HS6ST2: variants seen among roughly 807,000 people sequenced by gnomAD.
HS6ST2 encodes the protein heparan sulfate 6-O-sulfotransferase 2, also known as heparan-sulfate 6-O-sulfotransferase 2.
In HS6ST2, 17 loss-of-function variants were observed where a neutral mutation model predicts 33.0. The observed-to-expected ratio is 0.52, with a 90% CI of 0.35 to 0.77. The LOEUF (loss-of-function observed/expected upper bound fraction) is 0.77, where lower values mean the gene tolerates loss of function less well. HS6ST2 is among the 30% of genes least tolerant of loss of function. The pLI is 0.01. For synonymous variants in HS6ST2, 248 were observed against 237.1 expected, an observed-to-expected ratio of 1.05 and a Z score of -0.42; for missense variants, 519 against 551.7, an observed-to-expected ratio of 0.94 and a Z score of 0.59.
upstream of HS6ST2, among the ~76,000 whole-genome samples, chrX:132,959,958 A>G (rs1327534235): frequency 8.9e-6 from 1 of 112,103 alleles, no homozygotes; most frequent in Non-Finnish European, 1.9e-5. Flanking sequence ...AGCCCTGGCT[A>G]GACTTCTACG....
upstream of HS6ST2, among the ~76,000 whole-genome samples, chrX:132,959,936 C>G (rs1483995501): frequency 8.9e-6 from 1 of 112,119 alleles, no homozygotes; most frequent in East Asian, 2.8e-4. Flanking sequence ...TTTACCACCC[C>G]CTAGAATTCC....
At chrX:132,784,641 G>C (rs1602672166) in intron 2 of HS6ST2, among the ~76,000 whole-genome samples, 1 of 111,532 alleles carries the variant, frequency 9.0e-6, no homozygotes, top group African/African-American at 3.3e-5. Flanking sequence ...ATCGCAGCCA[G>C]GGTTGAGAAT....
chrX:132,735,366 A>C (rs1427798025), intron 2 of HS6ST2: 1 of 111,454 alleles, frequency 9.0e-6, no homozygotes, highest in Non-Finnish European at 1.9e-5. Flanking sequence ...TGCATGTTTC[A>C]GAGCCTTTTG....
chrX:132,843,188 C>T (rs1173583971), intron 2 of HS6ST2, among the ~76,000 whole-genome samples: 3 of 112,256 alleles, frequency 2.7e-5, no homozygotes, highest in African/African-American at 9.7e-5. Flanking sequence ...GCTACCTGAA[C>T]TAATCATGTT....
intron 2 of HS6ST2, among the ~76,000 whole-genome samples, chrX:132,749,774 G>T (rs1199164769): frequency 9.0e-6 from 1 of 111,631 alleles, no homozygotes; most frequent in African/African-American, 3.3e-5. Context: ...AAGATCTATA[G>T]TCACTGCAGC....
intron 4 of HS6ST2, among the ~76,000 whole-genome samples, chrX:132,644,069 C>A (rs1432012550): frequency 9.9e-5 from 11 of 111,072 alleles, no homozygotes; most frequent in Admixed American, 2.9e-4. Flanking sequence ...ACGACATTGC[C>A]CTTCTCAAAA....
chrX:132,860,118 C>T (rs1432871174), intron 2 of HS6ST2, among the ~76,000 whole-genome samples: 1 of 111,606 alleles, frequency 9.0e-6, no homozygotes, highest in Middle Eastern at 4.3e-3. Flanking sequence ...GTGGGGGACA[C>T]GGTGGGTAAT....
At chrX:132,709,369 C>A (rs2064210759) in intron 2 of HS6ST2, among the ~76,000 whole-genome samples, 1 of 112,059 alleles carries the variant, frequency 8.9e-6, no homozygotes, top group Admixed American at 9.5e-5. Flanking sequence ...AGAAATGTTT[C>A]TTTACAGCAA....
chrX:132,731,661 C>T (rs1244431353), intron 2 of HS6ST2, among the ~76,000 whole-genome samples: 6 of 111,135 alleles, frequency 5.4e-5, no homozygotes, highest in Admixed American at 9.5e-5. Flanking sequence ...TCCTGGCTAA[C>T]ACGGTGAAAC....
At chrX:132,739,643 G>A (rs1345116360) in intron 2 of HS6ST2, among the ~76,000 whole-genome samples, 2 of 107,233 alleles carry the variant, frequency 1.9e-5, no homozygotes, top group East Asian at 5.8e-4. Context: ...TGAACCCAGG[G>A]GGCAGAGGTT....
At chrX:132,891,282 T>G (rs1602823661) in intron 2 of HS6ST2, among the ~76,000 whole-genome samples, 1 of 106,855 alleles carries the variant, frequency 9.4e-6, no homozygotes, top group African/African-American at 3.5e-5. Context: ...ATCATCTGGA[T>G]GATACTGTTT....
intron 2 of HS6ST2, among the ~76,000 whole-genome samples, chrX:132,890,164 T>G (rs1446394356): frequency 9.0e-6 from 1 of 110,887 alleles, no homozygotes; most frequent in East Asian, 2.9e-4. Flanking sequence ...GATCATTTCA[T>G]TTAATCTGAA....
At chrX:132,812,586 G>A (rs938105159) in intron 2 of HS6ST2, among the ~76,000 whole-genome samples, 5 of 104,999 alleles carry the variant, frequency 4.8e-5, no homozygotes, top group Admixed American at 1.0e-4. Flanking sequence ...TTTTTTTTGG[G>A]GGGGGGAGAA....
intron 2 of HS6ST2, among the ~76,000 whole-genome samples, chrX:132,789,309 A>T (rs1363859106): frequency 9.0e-6 from 1 of 111,594 alleles, no homozygotes; most frequent in Non-Finnish European, 1.9e-5. Flanking sequence ...TCAGTAATCT[A>T]TAAATGGAAC....
At chrX:132,869,871 C>T (rs941568672) in intron 2 of HS6ST2, among the ~76,000 whole-genome samples, 1 of 111,657 alleles carries the variant, frequency 9.0e-6, no homozygotes, top group Non-Finnish European at 1.9e-5. Flanking sequence ...CAAGGATGCC[C>T]TCTCTCAACA....
chrX:132,716,930 A>C (rs2064279480), intron 2 of HS6ST2, among the ~76,000 whole-genome samples: 1 of 112,307 alleles, frequency 8.9e-6, no homozygotes, highest in African/African-American at 3.2e-5. Flanking sequence ...CTGCTACTCT[A>C]TGGAATCCAA....
chrX:132,860,217 T>A (rs957041860), intron 2 of HS6ST2, among the ~76,000 whole-genome samples: 3 of 112,217 alleles, frequency 2.7e-5, no homozygotes, highest in Non-Finnish European at 5.6e-5. Flanking sequence ...AATGGGCATA[T>A]CTGAGCTTAT....
intron 2 of HS6ST2, among the ~76,000 whole-genome samples, chrX:132,932,986 G>A (rs911276438): frequency 4.7e-5 from 5 of 106,318 alleles, no homozygotes; most frequent in Admixed American, 1.0e-4. Context: ...TTATAAAAAT[G>A]AAACTAATGA....
intron 2 of HS6ST2, among the ~76,000 whole-genome samples, chrX:132,889,934 A>C: frequency 8.9e-6 from 1 of 111,980 alleles, no homozygotes; most frequent in Non-Finnish European, 1.9e-5. Flanking sequence ...CTAGTATAAA[A>C]ATAGGCACAA....
Sources: allele counts gnomAD v4.1 joint callset (sites outside exome capture counted in the v4.1 genomes callset), GRCh38; gene constraint gnomAD v4.1.1; transcripts MANE v1.5; gene names NCBI Gene and HGNC (gene_info 2026-07-23, HGNC 2026-07-21).